The following DSC1 variants were observed in gnomAD, a reference collection of about 807,000 sequenced individuals.
The protein encoded by DSC1 is desmocollin-1.
Under a neutral mutation model 98.8 loss-of-function variants are expected in DSC1, and 79 were observed. The observed-to-expected ratio is 0.80, with a 90% CI of 0.67 to 0.96. The LOEUF (loss-of-function observed/expected upper bound fraction) is 0.96. Among genes scored for constraint, DSC1 ranks in the 50% least tolerant of loss-of-function variants. The pLI is 0.00. For missense variants in DSC1, 1,115 were observed against 1,075.9 expected (o/e 1.04, Z -0.51); for synonymous variants, 405 against 372.1 (o/e 1.09, Z -1.02).
rs868469721 is a variant in DSC1 at position 31,150,363 on chromosome 18, T to C, written c.628-1721A>G. Among the ~76,000 whole-genome samples, 32 of 37,346 alleles carry C rather than the reference T, an allele frequency of 8.6e-4. 1 individual carries two copies. Among genetic ancestry groups the C allele is most frequent in the South Asian group, 4.2e-3 (3 of 712 alleles). The allele number at this position is 37,346 out of a possible 152,430, so 24.5% of individuals were successfully genotyped here. On this transcript the variant is annotated intron_variant, in intron 5 of 15. Coordinates refer to ENST00000257198, the MANE Select transcript of DSC1 (RefSeq NM_024421.2). ...ACCATCACCACCACCACCACCATCA[T>C]CACCACCACCATCATCACCACCATC...
rs1436198454 is a variant in DSC1, at chr18:31,130,892, T to C, written c.2488-181A>G. On this transcript the variant is annotated intron_variant, in intron 15 of 15. Coordinates refer to ENST00000257198, the MANE Select transcript of DSC1 (RefSeq NM_024421.2). Reference sequence around the variant, plus strand: ...CTGTATTATAGTCACTCTTAAAATATAGCAAATAAATAAATGCTTCTAGTG... The same window carrying C: ...CTGTATTATAGTCACTCTTAAAATACAGCAAATAAATAAATGCTTCTAGTG... The C allele has an allele frequency of 4.7e-6, 7 of 1,500,924 alleles. No individual in the cohort carries two copies. The East Asian group carries it at 9.1e-5, about 19-fold the overall frequency. The allele number at this position is 1,500,924 out of a possible 1,614,324, so 93.0% of individuals were successfully genotyped here.
Position 31,140,193 on chromosome 18 carries a change from T to C in DSC1, c.1369A>G (p.Thr457Ala), listed in dbSNP as rs1271317629. Residue 457 changes from threonine (T) to alanine (A), a missense_variant, in exon 10 of 16, where the codon ACT (threonine) becomes GCT (alanine). Coordinates refer to ENST00000257198, the MANE Select transcript of DSC1 (RefSeq NM_024421.2). ...SSQTPTMCTT[T>A]VTVKIIDSDE... Reference sequence around the variant, plus strand: ...CTGTCTATAATTTTAACGGTGACAGTTGTAGTGCACATTGTAGGAGTTTGT... The same window carrying C: ...CTGTCTATAATTTTAACGGTGACAGCTGTAGTGCACATTGTAGGAGTTTGT... 1.9e-6 allele frequency: 3 copies of C among 1,614,046 alleles called. No homozygotes were observed. The highest frequency in any genetic ancestry group is 1.1e-5 in the South Asian group (1 of 91,070).
chr18:31,157,957 T>G (rs2143932795), intron 2 of DSC1, among the ~76,000 whole-genome samples: 1 of 152,318 alleles, frequency 6.6e-6, no homozygotes, highest in Middle Eastern at 3.4e-3. Context: ...TTTGCAGTAG[T>G]TTGATACTTA....
At chr18:31,142,264 A>C in intron 8 of DSC1, 80 bp from the exon 9 acceptor site, 5 of 1,453,510 alleles carry the variant, frequency 3.4e-6, no homozygotes, top group Non-Finnish European at 4.6e-6. Context: ...TATTTAAAGA[A>C]AAAAATAAAT....
intron 10 of DSC1, 26 bp from the exon 11 acceptor site, chr18:31,139,916 C>T (rs367823889): frequency 5.4e-5 from 85 of 1,581,034 alleles, no homozygotes; most frequent in Middle Eastern, 1.7e-4. Flanking sequence ...CAAATATGAA[C>T]GGTCAAATCA....
intron 12 of DSC1, 124 bp downstream of exon 12, chr18:31,134,448 T>C: frequency 1.1e-6 from 1 of 936,222 alleles, no homozygotes. Flanking sequence ...TAGGTATTGT[T>C]GTTTTTAGGG....
intron 13 of DSC1, among the ~76,000 whole-genome samples, chr18:31,133,207 C>A (rs1184222853): frequency 6.6e-6 from 1 of 151,776 alleles, no homozygotes; most frequent in Non-Finnish European, 1.5e-5. Flanking sequence ...CAAATGGGTT[C>A]TTTGGGGTCA....
chr18:31,133,405 A>G (rs1248143266), intron 13 of DSC1, among the ~76,000 whole-genome samples: 2 of 152,114 alleles, frequency 1.3e-5, no homozygotes, highest in African/African-American at 4.8e-5. Context: ...TCATATGACC[A>G]TTTTTCACTC....
At chr18:31,144,612 C>T (rs539062936) in intron 7 of DSC1, among the ~76,000 whole-genome samples, 27 of 152,184 alleles carry the variant, frequency 1.8e-4, no homozygotes, top group African/African-American at 6.0e-4. Context: ...GAGAAGAAGG[C>T]ATCAATAGGA....
intron 4 of DSC1, 51 bp downstream of exon 4, chr18:31,155,992 A>T (rs1437489752): frequency 1.9e-6 from 3 of 1,594,730 alleles, no homozygotes; most frequent in Non-Finnish European, 2.6e-6. Context: ...TGAAAAGTTT[A>T]AGAACAAAAA....
intron 1 of DSC1, among the ~76,000 whole-genome samples, chr18:31,161,352 GTATA>G (rs1045840121): frequency 1.3e-5 from 2 of 150,016 alleles, no homozygotes; most frequent in Non-Finnish European, 3.0e-5. Flanking sequence ...GTGCGTGTGT[GTATA>G]TATATATAAA....
chr18:31,162,813 TC>T lies in DSC1; in HGVS notation c.-220del. 1.9e-6 allele frequency: 1 copy of T among 539,744 alleles called. No homozygotes were observed. The highest frequency in any genetic ancestry group is 2.3e-5 in the South Asian group (1 of 42,578). The allele number at this position is 539,744 out of a possible 1,614,324, so 33.4% of individuals were successfully genotyped here. On this transcript the variant is annotated 5_prime_UTR_variant, in exon 1 of 16. Coordinates refer to ENST00000257198, the MANE Select transcript of DSC1 (RefSeq NM_024421.2). ...CTATTCCCTGGCCAGTCTCCTTCCT[TC>T]CAGTTCAATTACGTCTAAATGCAAA...
chr18:31,141,008 ATTC>A (rs1380385187), intron 9 of DSC1, among the ~76,000 whole-genome samples: 1 of 152,138 alleles, frequency 6.6e-6, no homozygotes, highest in Non-Finnish European at 1.5e-5. Context: ...CTTCTGCCTC[ATTC>A]TTCTCTTGCT....
At chr18:31,130,781 T>C in intron 15 of DSC1, 70 bp from the exon 16 acceptor site, 1 of 1,611,842 alleles carries the variant, frequency 6.2e-7, no homozygotes, top group Non-Finnish European at 8.5e-7. Context: ...AAAAATGATG[T>C]CTTTGATTTA....
intron 7 of DSC1, among the ~76,000 whole-genome samples, chr18:31,144,929 T>TC (rs1988810254): frequency 7.3e-6 from 1 of 137,068 alleles, no homozygotes; most frequent in African/African-American, 2.9e-5. Context: ...GTCTGTATTT[T>TC]CTTTTTCTTT....
At chr18:31,148,665 C>T (rs1164023769) in intron 5 of DSC1, 23 bp from the exon 6 acceptor site, 2 of 1,540,346 alleles carry the variant, frequency 1.3e-6, no homozygotes, top group Non-Finnish European at 1.8e-6. Flanking sequence ...AAAATACCAT[C>T]AATGTATTCT....
chr18:31,147,362 A>G lies in DSC1; in HGVS notation c.772+1136T>C, dbSNP rs144673278. ...AATATAAAATATCTTTATATTTAAT[A>G]TGAATGGCATTTGTCTGTTGCACAT... On this transcript the variant is annotated intron_variant, in intron 6 of 15. Coordinates refer to ENST00000257198, the MANE Select transcript of DSC1 (RefSeq NM_024421.2). Among the ~76,000 whole-genome samples the G allele has an allele frequency of 6.7e-3, 1,023 of 152,264 alleles. 6 individuals carry two copies. The highest frequency in any genetic ancestry group is 0.011 in the Non-Finnish European group (727 of 67,984).
At chr18:31,137,510 A>G (rs1034465956) in intron 11 of DSC1, among the ~76,000 whole-genome samples, 2 of 152,192 alleles carry the variant, frequency 1.3e-5, no homozygotes, top group Admixed American at 1.3e-4. Context: ...TGCACTGTGC[A>G]TATGTATACC....
chr18:31,161,761 G>A (rs1403435322), intron 1 of DSC1, among the ~76,000 whole-genome samples: 1 of 152,126 alleles, frequency 6.6e-6, no homozygotes, highest in Non-Finnish European at 1.5e-5. Context: ...GTTACAGGAT[G>A]AGAAGGTGAC....
Sources: gnomAD v4.1 joint callset for allele counts (sites outside exome capture counted in the v4.1 genomes callset) on GRCh38, gnomAD v4.1.1 for gene constraint, MANE v1.5 for transcripts, NCBI Gene and HGNC (gene_info 2026-07-23, HGNC 2026-07-21) for gene names.